The following TMX2 variants were observed in gnomAD, a reference collection of about 807,000 sequenced individuals.
TMX2 encodes the protein thioredoxin-related transmembrane protein 2.
Under a neutral mutation model 33.4 loss-of-function variants are expected in TMX2, and 20 were observed. The observed-to-expected ratio is 0.60, with a 90% CI of 0.42 to 0.87. TMX2 has a LOEUF of 0.87. Ranked by LOEUF, TMX2 falls within the 40% of genes least tolerant of loss-of-function variation. TMX2 has a pLI of 0.00. For missense variants in TMX2, 340 were observed against 370.7 expected, an observed-to-expected ratio of 0.92 and a Z score of 0.68; for synonymous variants, 166 against 140.7, an observed-to-expected ratio of 1.18 and a Z score of -1.27.
chr11:57,734,652 G>C (rs1162994584), intron 1 of TMX2, among the ~76,000 whole-genome samples: 8 of 151,944 alleles, frequency 5.3e-5, no homozygotes, highest in Non-Finnish European at 1.2e-4. Context: ...GGAGGCTGAG[G>C]CAGGAGAATT....
intron 1 of TMX2, among the ~76,000 whole-genome samples, chr11:57,717,731 A>AGGGGAGAGGGGAGAGGGGAGG (rs1947262504): frequency 2.2e-5 from 1 of 46,314 alleles, no homozygotes; most frequent in Non-Finnish European, 3.8e-5. Context: ...GAGAGGGGAG[A>AGGGGAGAGGGGAGAGGGGAGG]GGGGAGAGGG....
intron 1 of TMX2, among the ~76,000 whole-genome samples, chr11:57,715,874 T>A (rs910883720): frequency 6.6e-6 from 1 of 151,876 alleles, no homozygotes; most frequent in African/African-American, 2.4e-5. Flanking sequence ...ACACAGCACA[T>A]GTTTCAGAGA....
In TMX2 at chr11:57,740,326, ATTT is replaced by A; in HGVS notation, c.*82_*84del. 1 of 1,457,936 alleles carries A rather than the reference ATTT, an allele frequency of 6.9e-7. No individual in the cohort carries two copies. Among genetic ancestry groups the A allele is most frequent in the South Asian group, 1.4e-5 (1 of 69,762 alleles). 90.3% of individuals were successfully genotyped at this position (1,457,936 alleles called of 1,614,324 possible). Reference sequence around the variant, plus strand: ...CACAAGCCTGAGGCTGCAGCCTTTTATTTATGTTTTCCCTTTGGCTGTGACTGG... The same window carrying A: ...CACAAGCCTGAGGCTGCAGCCTTTTAATGTTTTCCCTTTGGCTGTGACTGG... On this transcript the variant is annotated 3_prime_UTR_variant, in exon 8 of 8. Coordinates refer to ENST00000278422, the MANE Select transcript of TMX2 (RefSeq NM_015959.4).
At position 57,717,009 on chromosome 11, in the gene TMX2, C is replaced by T. The variant is rs1345717479; in HGVS notation, c.189+4202C>T. On this transcript the variant is annotated intron_variant, in intron 1 of 7. Transcript: ENST00000278422. Reference sequence around the variant, plus strand: ...GACGGGGCGGCTGGGCAGAGACACTCCTCACCTCCCAGACGGGGTCGCGGC... The same window carrying T: ...GACGGGGCGGCTGGGCAGAGACACTTCTCACCTCCCAGACGGGGTCGCGGC... 2.7e-5 allele frequency among the ~76,000 whole-genome samples: 4 copies of T among 150,574 alleles called. No individual in the cohort carries two copies. In the South Asian group the frequency reaches 8.4e-4, roughly 32 times the overall value.
Position 57,712,784 on chromosome 11 carries a change from G to C in TMX2, c.166G>C (p.Gly56Arg), listed in dbSNP as rs367990143. Reference sequence around the variant, plus strand: ...CGGTCTGCCCACCCAACGCGAAGACGGTAACCCGTGTGACTTTGACTGGGT... The same window carrying C: ...CGGTCTGCCCACCCAACGCGAAGACCGTAACCCGTGTGACTTTGACTGGGT... ...CHGLPTQRED[G>R]NPCDFDWREV... The change falls in exon 1 of 8, where the codon GGT becomes CGT. Residue 56 changes from glycine to arginine, a missense_variant. Physicochemically the swap from Gly to Arg is moderately radical, Grantham distance 125. Transcript: ENST00000278422. The C allele has an allele frequency of 3.0e-5, 49 of 1,613,988 alleles. No homozygotes were observed. In the African/African-American group the frequency reaches 4.7e-4, roughly 15 times the overall value.
intron 1 of TMX2, among the ~76,000 whole-genome samples, chr11:57,719,333 C>T (rs935575292): frequency 2.6e-5 from 4 of 151,456 alleles, no homozygotes; most frequent in African/African-American, 9.7e-5. Flanking sequence ...CCGTGCCTGG[C>T]CAATTTTTTT....
chr11:57,717,883 A>G (rs1947283279), intron 1 of TMX2, among the ~76,000 whole-genome samples: 1 of 152,086 alleles, frequency 6.6e-6, no homozygotes, highest in Admixed American at 6.6e-5. Context: ...CCAGCTAGGC[A>G]TGTAAGGGAA....
Position 57,725,283 on chromosome 11 carries a change from A to G in TMX2, c.190-12325A>G, listed in dbSNP as rs999600210. Reference sequence around the variant, plus strand: ...TTTTACTTCCAAGGAAACCGAAATCATGGTATTCTGAAGACTAGAAACATG... The same window carrying G: ...TTTTACTTCCAAGGAAACCGAAATCGTGGTATTCTGAAGACTAGAAACATG... On this transcript the variant is annotated intron_variant, in intron 1 of 7. Coordinates refer to ENST00000278422, the MANE Select transcript of TMX2 (RefSeq NM_015959.4). 3.9e-5 allele frequency among the ~76,000 whole-genome samples: 6 copies of G among 152,140 alleles called. 1 individual carries two copies. The South Asian group carries it at 1.2e-3, about 32-fold the overall frequency.
At chr11:57,735,678 C>A (rs894499071) in intron 1 of TMX2, among the ~76,000 whole-genome samples, 2 of 152,118 alleles carry the variant, frequency 1.3e-5, no homozygotes, top group Non-Finnish European at 2.9e-5. Flanking sequence ...AATAAGCTAT[C>A]GGCAGAGTCA....
At position 57,712,798 on chromosome 11, in the gene TMX2, C is replaced by G. The variant is rs143908831; in HGVS notation, c.180C>G (p.Asp60Glu). ...AACGCGAAGACGGTAACCCGTGTGACTTTGACTGGGTGAGCCTCCCGCGTG... is the reference window on the plus strand; with the variant it reads ...AACGCGAAGACGGTAACCCGTGTGAGTTTGACTGGGTGAGCCTCCCGCGTG... ...PTQREDGNPC[D>E]FDWREVEILM... Residue 60 changes from aspartate to glutamate, a missense_variant, in exon 1 of 8, where the codon GAC becomes GAG. Around this residue, in one of 3 missense-constraint regions of TMX2, gnomAD observed 106 missense variants for 82.7 expected, o/e 1.28. Transcript: ENST00000278422. 1.2e-3 allele frequency: 1,884 copies of G among 1,614,072 alleles called. 2 individuals carry two copies. The highest frequency in any genetic ancestry group is 3.3e-3 in the Middle Eastern group (20 of 6,062).
At chr11:57,737,337 G>A (rs956212885) in intron 1 of TMX2, among the ~76,000 whole-genome samples, 2 of 152,158 alleles carry the variant, frequency 1.3e-5, no homozygotes, top group Admixed American at 6.5e-5. Context: ...GCAGTGAGCC[G>A]AGATCGCGCC....
chr11:57,737,904 G>A lies in TMX2; in HGVS notation c.251-9G>A. On this transcript the variant is annotated splice_polypyrimidine_tract_variant and intron_variant, in intron 2 of 7. Transcript: ENST00000278422. ...GCCCAGCCTGACCTGTGACATCTCT[G>A]TGTTTCAGTCACTGTGGAGCAACAT... The A allele has an allele frequency of 6.2e-7, 1 of 1,614,104 alleles. No individual in the cohort carries two copies.
intron 1 of TMX2, chr11:57,718,522 G>C: frequency 1.3e-6 from 1 of 747,284 alleles, no homozygotes; most frequent in Non-Finnish European, 2.4e-6. Flanking sequence ...AGAACACGGG[G>C]TTGACCATGG....
intron 1 of TMX2, among the ~76,000 whole-genome samples, chr11:57,728,683 T>C (rs1164293935): frequency 1.3e-5 from 2 of 152,154 alleles, no homozygotes; most frequent in African/African-American, 2.4e-5. Flanking sequence ...AAATTTATCT[T>C]GATTCGGTTC....
chr11:57,722,291 C>T (rs1157632054), intron 1 of TMX2, among the ~76,000 whole-genome samples: 1 of 152,066 alleles, frequency 6.6e-6, no homozygotes, highest in Non-Finnish European at 1.5e-5. Flanking sequence ...TGTGAGCCAC[C>T]GCACCCAGCT....
At chr11:57,723,990 A>G (rs545481454) in intron 1 of TMX2, among the ~76,000 whole-genome samples, 78 of 152,148 alleles carry the variant, frequency 5.1e-4, no homozygotes, top group Non-Finnish European at 8.8e-4. Context: ...GGCAAAACCA[A>G]GTAACTATTT....
At chr11:57,722,292 G>A (rs370936378) in intron 1 of TMX2, among the ~76,000 whole-genome samples, 4 of 152,220 alleles carry the variant, frequency 2.6e-5, no homozygotes, top group African/African-American at 4.8e-5. Context: ...GTGAGCCACC[G>A]CACCCAGCTT....
chr11:57,724,445 A>AT (rs1947841555), intron 1 of TMX2, among the ~76,000 whole-genome samples: 1 of 152,164 alleles, frequency 6.6e-6, no homozygotes, highest in Non-Finnish European at 1.5e-5. Context: ...GTCATGGTAA[A>AT]TTTGGAGGTT....
intron 5 of TMX2, 84 bp from the exon 6 acceptor site, chr11:57,738,890 C>T (rs889767396): frequency 6.4e-5 from 98 of 1,540,414 alleles, no homozygotes; most frequent in Non-Finnish European, 7.5e-5. Context: ...AAGGCATCTC[C>T]CTCTCCCCTC....
Sources: gnomAD v4.1 joint callset for allele counts (sites outside exome capture counted in the v4.1 genomes callset) on GRCh38, gnomAD v4.1.1 for gene constraint, gnomAD v4.1.1 regional missense constraint, MANE v1.5 for transcripts, NCBI Gene and HGNC (gene_info 2026-07-23, HGNC 2026-07-21) for gene names.